The following AKAP13 variants were observed in gnomAD, a reference collection of about 807,000 sequenced individuals.
AKAP13 encodes the protein A-kinase anchor protein 13.
In AKAP13, 80 loss-of-function variants were observed where a neutral mutation model predicts 264.5. That is an observed-to-expected ratio of 0.30 (90% CI 0.25 to 0.36). The LOEUF is 0.36. AKAP13 is among the 10% of genes least tolerant of loss of function. The pLI, the probability that AKAP13 is intolerant of heterozygous loss-of-function variation, is 1.00. For missense variants in AKAP13, 3,712 were observed against 3,435.2 expected, an observed-to-expected ratio of 1.08 and a Z score of -2.01; for synonymous variants, 1,380 against 1,250.2, an observed-to-expected ratio of 1.10 and a Z score of -2.19.
intron 19 of AKAP13, among the ~76,000 whole-genome samples, chr15:85,714,562 C>A (rs2086812422): frequency 6.6e-6 from 1 of 152,210 alleles, no homozygotes; most frequent in Admixed American, 6.5e-5. Flanking sequence ...CCCTAGAAGA[C>A]AAGGGGGGCT....
intron 14 of AKAP13, among the ~76,000 whole-genome samples, chr15:85,678,927 C>A (rs918488394): frequency 6.6e-6 from 1 of 151,312 alleles, no homozygotes; most frequent in Non-Finnish European, 1.5e-5. Flanking sequence ...GGGAAGTAGC[C>A]AGGTCAGCAT....
intron 1 of AKAP13, among the ~76,000 whole-genome samples, chr15:85,457,284 T>C (rs776906145): frequency 4.6e-5 from 7 of 152,246 alleles, no homozygotes; most frequent in Non-Finnish European, 5.9e-5. Context: ...TAATATATCA[T>C]TGTGGCAGCT....
chr15:85,502,107 G>A (rs1172605457), intron 2 of AKAP13, among the ~76,000 whole-genome samples: 1 of 152,116 alleles, frequency 6.6e-6, no homozygotes, highest in Admixed American at 6.6e-5. Flanking sequence ...TACTAGGTTT[G>A]GGATGGGGTG....
chr15:85,686,192 T>TGC (rs1491313804), intron 16 of AKAP13, among the ~76,000 whole-genome samples: 7 of 11,830 alleles, frequency 5.9e-4, no homozygotes, highest in East Asian at 0.042. Flanking sequence ...CGTGCATGCA[T>TGC]GTGTGTGTGT....
At position 85,438,360 on chromosome 15, in the gene AKAP13, A is replaced by G. The variant is rs952058785; in HGVS notation, c.-11-47350A>G. ...AGAACATTCCATGCTCATGGGTAGG[A>G]AGAATCAATATCGTGAAAATGGCCA... On this transcript the variant is annotated intron_variant, in intron 1 of 36. Transcript: ENST00000394518. Among the ~76,000 whole-genome samples, 403 of 151,116 alleles carry G rather than the reference A, an allele frequency of 2.7e-3. 3 individuals are homozygous for G. The highest frequency in any genetic ancestry group is 9.5e-3 in the African/African-American group (386 of 40,798).
chr15:85,480,368 T>C (rs989785578), intron 1 of AKAP13, among the ~76,000 whole-genome samples: 3 of 152,202 alleles, frequency 2.0e-5, no homozygotes, highest in African/African-American at 4.8e-5. Flanking sequence ...GGGAGAAGCA[T>C]TGGCTTCTGC....
chr15:85,391,162 T>C (rs959593450), intron 1 of AKAP13, among the ~76,000 whole-genome samples: 2 of 152,180 alleles, frequency 1.3e-5, no homozygotes, highest in Admixed American at 1.3e-4. Flanking sequence ...TAGATATGAA[T>C]GAAGGAAGAT....
In AKAP13 at chr15:85,385,084, A is replaced by G. The variant is rs555410327; in HGVS notation, c.-12+4286A>G. Among the ~76,000 whole-genome samples the G allele has an allele frequency of 4.6e-5, 7 of 152,316 alleles. No individual in the cohort carries two copies. The South Asian group carries it at 1.0e-3, about 23-fold the overall frequency. On this transcript the variant is annotated intron_variant, in intron 1 of 36. Coordinates refer to ENST00000394518, the MANE Select transcript of AKAP13 (RefSeq NM_007200.5). Reference sequence around the variant, plus strand: ...GCTCTTCTCTGGCTACTTTGGTGCTATAGTAGCAGAGTTGAGTAGTTACAA... The same window carrying G: ...GCTCTTCTCTGGCTACTTTGGTGCTGTAGTAGCAGAGTTGAGTAGTTACAA...
intron 1 of AKAP13, among the ~76,000 whole-genome samples, chr15:85,394,483 C>T (rs994102099): frequency 6.6e-6 from 1 of 152,170 alleles, no homozygotes; most frequent in Non-Finnish European, 1.5e-5. Context: ...AGCAGAGACT[C>T]TGGCAAATGA....
In AKAP13 at chr15:85,717,357, A is replaced by G; in HGVS notation, c.5803A>G (p.Lys1935Glu). 6.2e-7 allele frequency: 1 copy of G among 1,613,456 alleles called. No homozygotes were observed. ...FLSHSTDSLNKISKVNESTES... is the reference protein window; with the variant it reads ...FLSHSTDSLNEISKVNESTES... ...GTCTCATTCAACAGACTCACTAAAT[A>G]AAATCAGCAAGGTCAATGAGTCAAC... Residue 1935 changes from lysine to glutamate, a missense_variant, in exon 21 of 37, where the codon AAA (lysine) becomes GAA (glutamate). This residue lies in a region of AKAP13 where 2,759 missense variants were observed against 2,411.7 expected (regional missense o/e 1.14). Coordinates refer to ENST00000394518, the MANE Select transcript of AKAP13 (RefSeq NM_007200.5).
intron 5 of AKAP13, among the ~76,000 whole-genome samples, chr15:85,550,007 C>T (rs370870092): frequency 2.6e-5 from 4 of 152,160 alleles, no homozygotes; most frequent in Non-Finnish European, 4.4e-5. Context: ...GCCTCCACCT[C>T]CCAGGTTCAA....
At chr15:85,521,291 A>G (rs906120907) in intron 2 of AKAP13, 137 bp from the exon 3 acceptor site, 1 of 1,009,200 alleles carries the variant, frequency 9.9e-7, no homozygotes, top group Non-Finnish European at 1.5e-6. Context: ...CAATCTTTAT[A>G]CTTGTTTCAG....
At chr15:85,512,833 GTATGTA>G (rs2076478982) in intron 2 of AKAP13, among the ~76,000 whole-genome samples, 1 of 135,058 alleles carries the variant, frequency 7.4e-6, no homozygotes, top group African/African-American at 2.5e-5. Flanking sequence ...ATGTATGTAT[GTATGTA>G]TGTATGTATG....
intron 8 of AKAP13, among the ~76,000 whole-genome samples, chr15:85,630,797 G>T (rs1263207542): frequency 6.6e-6 from 1 of 152,042 alleles, no homozygotes; most frequent in African/African-American, 2.4e-5. Flanking sequence ...ACAAAAATAG[G>T]TGTTGACAAG....
At chr15:85,544,932 A>G (rs1375493368) in intron 5 of AKAP13, among the ~76,000 whole-genome samples, 2 of 152,204 alleles carry the variant, frequency 1.3e-5, no homozygotes, top group Non-Finnish European at 2.9e-5. Flanking sequence ...CTGTGTATAT[A>G]GTCTGGAAGG....
chr15:85,399,433 T>G (rs1426268058), intron 1 of AKAP13, among the ~76,000 whole-genome samples: 1 of 141,594 alleles, frequency 7.1e-6, no homozygotes, highest in African/African-American at 2.7e-5. Context: ...GAAGCGGAGC[T>G]TGCAGTGAGC....
At chr15:85,513,206 G>A (rs1434542793) in intron 2 of AKAP13, among the ~76,000 whole-genome samples, 2 of 152,088 alleles carry the variant, frequency 1.3e-5, no homozygotes, top group Non-Finnish European at 2.9e-5. Context: ...GCTTGTGTGA[G>A]CATGGACAGG....
chr15:85,680,967 G>A (rs1444520526), intron 14 of AKAP13, among the ~76,000 whole-genome samples: 2 of 152,122 alleles, frequency 1.3e-5, no homozygotes, highest in East Asian at 1.9e-4. Flanking sequence ...ACAGGCATGC[G>A]CCACCACGCC....
chr15:85,398,743 A>C (rs2071243689), intron 1 of AKAP13, among the ~76,000 whole-genome samples: 1 of 152,116 alleles, frequency 6.6e-6, no homozygotes, highest in Non-Finnish European at 1.5e-5. Context: ...TTTAGTAGAG[A>C]TGGGGTTTCA....
Sources: gnomAD v4.1 joint callset for allele counts (sites outside exome capture counted in the v4.1 genomes callset) on GRCh38, gnomAD v4.1.1 for gene constraint, gnomAD v4.1.1 regional missense constraint, MANE v1.5 for transcripts, NCBI Gene and HGNC (gene_info 2026-07-23, HGNC 2026-07-21) for gene names.